The following SEMA5A variants were observed in gnomAD, a reference collection of about 807,000 sequenced individuals.
SEMA5A encodes the protein semaphorin-5A.
In SEMA5A, 55 loss-of-function variants were observed where a neutral mutation model predicts 135.5. The observed-to-expected ratio is 0.41, with a 90% CI of 0.33 to 0.51. The LOEUF is 0.51. Ranked by LOEUF, SEMA5A falls within the 20% of genes least tolerant of loss-of-function variation. The pLI, the probability that SEMA5A is intolerant of heterozygous loss-of-function variation, is 0.37. For synonymous variants in SEMA5A, 580 were observed against 546.5 expected, an observed-to-expected ratio of 1.06 and a Z score of -0.85; for missense variants, 1,290 against 1,419.9, an observed-to-expected ratio of 0.91 and a Z score of 1.47.
At chr5:9,464,744 T>A (rs1425652419) in intron 1 of SEMA5A, among the ~76,000 whole-genome samples, 1 of 151,868 alleles carries the variant, frequency 6.6e-6, no homozygotes, top group East Asian at 2.0e-4. Context: ...GAAAACAGAA[T>A]AAAATGGAAG....
At chr5:9,428,494 T>C (rs947974346) in intron 2 of SEMA5A, among the ~76,000 whole-genome samples, 1 of 152,170 alleles carries the variant, frequency 6.6e-6, no homozygotes, top group Non-Finnish European at 1.5e-5. Context: ...CTACATTGGT[T>C]TCGGTCTTGG....
intron 3 of SEMA5A, among the ~76,000 whole-genome samples, chr5:9,358,254 A>C (rs1015861939): frequency 6.6e-6 from 1 of 152,130 alleles, no homozygotes; most frequent in African/African-American, 2.4e-5. Context: ...TAAGAACCAC[A>C]CTGGCTCCAT....
intron 15 of SEMA5A, 103 bp downstream of exon 15, chr5:9,118,895 A>G (rs1220725686): frequency 1.4e-6 from 2 of 1,405,426 alleles, no homozygotes; most frequent in African/African-American, 1.4e-5. Flanking sequence ...GATGCCACAC[A>G]TAAGCTTAGG....
At chr5:9,200,924 C>A (rs1323307133) in intron 9 of SEMA5A, among the ~76,000 whole-genome samples, 2 of 152,168 alleles carry the variant, frequency 1.3e-5, no homozygotes, top group African/African-American at 4.8e-5. Context: ...AAAGAGGTTT[C>A]CTTAGTTACA....
At chr5:9,108,398 G>T in intron 15 of SEMA5A, 111 bp from the exon 16 acceptor site, 1 of 1,248,502 alleles carries the variant, frequency 8.0e-7, no homozygotes, top group Non-Finnish European at 1.1e-6. Context: ...CATGCTCTGC[G>T]TGGAGGAGCT....
intron 5 of SEMA5A, among the ~76,000 whole-genome samples, chr5:9,263,040 G>GAA (rs574641708): frequency 8.6e-5 from 11 of 128,160 alleles, no homozygotes; most frequent in East Asian, 2.2e-4. Flanking sequence ...TCTGTCAATA[G>GAA]AAAAAAAAAA....
intron 2 of SEMA5A, among the ~76,000 whole-genome samples, chr5:9,426,432 T>TAAATA (rs149891161): frequency 0.056 from 6,716 of 121,008 alleles, 334 homozygotes; most frequent in South Asian, 0.077. Flanking sequence ...CTCAAAAAAA[T>TAAATA]AAATAAAATA....
At chr5:9,173,990 C>A (rs572420968) in intron 11 of SEMA5A, among the ~76,000 whole-genome samples, 1 of 152,266 alleles carries the variant, frequency 6.6e-6, no homozygotes, top group Non-Finnish European at 1.5e-5. Context: ...TGTTGGACTT[C>A]TCTAGGTTTC....
At chr5:9,388,741 T>C (rs1029575708) in intron 2 of SEMA5A, among the ~76,000 whole-genome samples, 2 of 151,674 alleles carry the variant, frequency 1.3e-5, no homozygotes, top group African/African-American at 4.8e-5. Context: ...CTACTAAAAA[T>C]ACAAAAAATT....
At chr5:9,488,447 C>T (rs989196316) in intron 1 of SEMA5A, among the ~76,000 whole-genome samples, 3 of 152,194 alleles carry the variant, frequency 2.0e-5, no homozygotes, top group African/African-American at 7.2e-5. Context: ...TGAAAGAACT[C>T]TGGACATTAA....
intron 1 of SEMA5A, chr5:9,511,529 G>A (rs866003310): frequency 7.2e-5 from 11 of 152,262 alleles, no homozygotes; most frequent in African/African-American, 2.6e-4. Context: ...TGATTAAAGA[G>A]CCTGAGACCA....
In SEMA5A at chr5:9,154,568, G is replaced by T; in HGVS notation, c.1401C>A (p.Ser467Arg). 1 of 1,613,524 alleles carries T rather than the reference G, an allele frequency of 6.2e-7. No homozygotes were observed. ...GCAGGCCCACGAACAGGACACTCTG[G>T]CTGTGCAGGATCTGCAGGCTCCTGA... ...EPIRSLQILH[S>R]QSVLFVGLRE... is the part of the protein sequence containing the mutation. Residue 467 changes from serine to arginine, a missense_variant, in exon 12 of 23, where the codon AGC becomes AGA. Physicochemically the swap from Ser to Arg is moderately radical, Grantham distance 110. Around this residue, in one of 3 missense-constraint regions of SEMA5A, gnomAD observed 1,029 missense variants for 1,086.6 expected, o/e 0.95. Coordinates refer to ENST00000382496, the MANE Select transcript of SEMA5A (RefSeq NM_003966.3).
intron 2 of SEMA5A, among the ~76,000 whole-genome samples, chr5:9,381,018 C>T (rs1052502102): frequency 6.6e-6 from 1 of 152,116 alleles, no homozygotes; most frequent in Non-Finnish European, 1.5e-5. Flanking sequence ...GTGTGCTGTA[C>T]TCGATCTAGG....
intron 16 of SEMA5A, among the ~76,000 whole-genome samples, chr5:9,100,689 G>A (rs1739578716): frequency 6.6e-6 from 1 of 151,982 alleles, no homozygotes; most frequent in Non-Finnish European, 1.5e-5. Flanking sequence ...TTAAACAGGG[G>A]CCAAGCTATG....
chr5:9,541,848 G>A (rs1431100298), intron 1 of SEMA5A, among the ~76,000 whole-genome samples: 1 of 152,170 alleles, frequency 6.6e-6, no homozygotes, highest in Non-Finnish European at 1.5e-5. Flanking sequence ...TCTGTGAAAT[G>A]GACAGCCTGG....
At chr5:9,108,045 G>A in intron 16 of SEMA5A, 95 bp downstream of exon 16, 1 of 1,432,200 alleles carries the variant, frequency 7.0e-7, no homozygotes. Flanking sequence ...TTTATTGTTT[G>A]CAGAACATCT....
chr5:9,230,019 C>G (rs1747534104), intron 6 of SEMA5A, among the ~76,000 whole-genome samples: 1 of 152,176 alleles, frequency 6.6e-6, no homozygotes, highest in African/African-American at 2.4e-5. Flanking sequence ...AGGGTTCACT[C>G]TGTTGCCCAG....
intron 6 of SEMA5A, among the ~76,000 whole-genome samples, chr5:9,235,463 G>A (rs1461085215): frequency 6.6e-6 from 1 of 152,138 alleles, no homozygotes; most frequent in African/African-American, 2.4e-5. Context: ...TGATGAAGAT[G>A]AGAAACCCTA....
intron 13 of SEMA5A, among the ~76,000 whole-genome samples, chr5:9,124,827 G>A (rs569916232): frequency 4.1e-4 from 62 of 152,262 alleles, no homozygotes; most frequent in African/African-American, 1.5e-3. Context: ...GACCTTTGGT[G>A]ATGAGTGAAC....
Sources: allele counts gnomAD v4.1 joint callset (sites outside exome capture counted in the v4.1 genomes callset), GRCh38; gene constraint gnomAD v4.1.1; regional missense constraint gnomAD v4.1.1; transcripts MANE v1.5; gene names NCBI Gene and HGNC (gene_info 2026-07-23, HGNC 2026-07-21).